Variants in KCNH8 observed in about 807,000 individuals in gnomAD.
The protein encoded by KCNH8 is potassium voltage-gated channel subfamily H member 8, also known as voltage-gated delayed rectifier potassium channel KCNH8.
Under a neutral mutation model 103.6 loss-of-function variants are expected in KCNH8, and 70 were observed. The ratio of observed to expected loss-of-function variants is 0.68; its 90% confidence interval spans 0.56 to 0.82. The LOEUF (loss-of-function observed/expected upper bound fraction) is 0.82. Ranked by LOEUF, KCNH8 falls within the 40% of genes least tolerant of loss-of-function variation. The pLI, the probability that KCNH8 is intolerant of heterozygous loss-of-function variation, is 0.00. For synonymous variants in KCNH8, 498 were observed against 489.4 expected, an observed-to-expected ratio of 1.02 and a Z score of -0.23; for missense variants, 1,217 against 1,329.9, an observed-to-expected ratio of 0.92 and a Z score of 1.32.
At chr3:19,453,004 G>GA (rs2125185581) in intron 10 of KCNH8, among the ~76,000 whole-genome samples, 1 of 152,246 alleles carries the variant, frequency 6.6e-6, no homozygotes, top group South Asian at 2.1e-4. Flanking sequence ...ATATGCAATG[G>GA]AATACTATTC....
At chr3:19,280,327 G>A (rs1483302995) in intron 2 of KCNH8, among the ~76,000 whole-genome samples, 2 of 151,976 alleles carry the variant, frequency 1.3e-5, no homozygotes, top group South Asian at 2.1e-4. Flanking sequence ...ATACATGTAA[G>A]CATTTAAGAA....
chr3:19,176,926 T>C (rs1444948560), intron 1 of KCNH8, among the ~76,000 whole-genome samples: 1 of 152,170 alleles, frequency 6.6e-6, no homozygotes, highest in Admixed American at 6.5e-5. Flanking sequence ...TTGTTTTATG[T>C]GTATTTCTAT....
intron 3 of KCNH8, among the ~76,000 whole-genome samples, chr3:19,307,314 G>A (rs186029278): frequency 1.3e-5 from 2 of 151,940 alleles, no homozygotes; most frequent in Non-Finnish European, 1.5e-5. Context: ...AAAATGCTCA[G>A]CATCACTAAT....
intron 3 of KCNH8, among the ~76,000 whole-genome samples, chr3:19,297,575 T>G (rs2125286707): frequency 6.6e-6 from 1 of 152,334 alleles, no homozygotes. Flanking sequence ...GTTCTGTCAT[T>G]GCCTTCTGTA....
chr3:19,434,049 C>T (rs775156917), intron 7 of KCNH8, among the ~76,000 whole-genome samples: 2 of 152,154 alleles, frequency 1.3e-5, no homozygotes, highest in Non-Finnish European at 2.9e-5. Context: ...GATATCACCA[C>T]TGGAGGAAAC....
chr3:19,245,166 T>A (rs141883258), intron 1 of KCNH8, among the ~76,000 whole-genome samples: 10 of 152,326 alleles, frequency 6.6e-5, no homozygotes, highest in African/African-American at 2.4e-4. Context: ...ATTTCTTTCT[T>A]CTGCATATGG....
chr3:19,379,638 C>CA (rs540674539), intron 5 of KCNH8, among the ~76,000 whole-genome samples: 1,790 of 141,784 alleles, frequency 0.013, 14 homozygotes, highest in African/African-American at 0.019. Flanking sequence ...CACTCTGTCT[C>CA]AAAAAAAAAA....
intron 7 of KCNH8, among the ~76,000 whole-genome samples, chr3:19,419,253 G>T (rs1391206872): frequency 7.2e-6 from 1 of 139,274 alleles, no homozygotes; most frequent in Non-Finnish European, 1.5e-5. Context: ...AGGCTGGAGT[G>T]CAGTGGCGCG....
At position 19,477,656 on chromosome 3, in the gene KCNH8, A is replaced by C. The variant is rs114291634; in HGVS notation, c.2040+20674A>C. On this transcript the variant is annotated intron_variant, in intron 11 of 15. Transcript: ENST00000328405. ...AGCAACAAACAAGGAATCCAGAAAGAGTTTCAGTGAGAGAATTAAGAGAGA... is the reference window on the plus strand; with the variant it reads ...AGCAACAAACAAGGAATCCAGAAAGCGTTTCAGTGAGAGAATTAAGAGAGA... Among the ~76,000 whole-genome samples, 524 of 152,290 alleles carry C rather than the reference A, an allele frequency of 3.4e-3. 1 individual carries two copies. Among genetic ancestry groups the C allele is most frequent in the Non-Finnish European group, 5.6e-3 (378 of 68,014 alleles).
In KCNH8 at chr3:19,384,962, G is replaced by A. The variant is rs1036117288; in HGVS notation, c.812-5519G>A. On this transcript the variant is annotated intron_variant, in intron 5 of 15. Transcript: ENST00000328405. ...TAGAACCCAAATCCTTCCTTTCTTC[G>A]ATGAGGCTTTTGTGAAAACCACCAA... 2.0e-4 allele frequency among the ~76,000 whole-genome samples: 31 copies of A among 152,086 alleles called. 1 individual carries two copies. Among genetic ancestry groups the A allele is most frequent in the Admixed American group, 1.5e-3 (23 of 15,252 alleles).
chr3:19,424,788 T>C (rs1226711801), intron 7 of KCNH8, among the ~76,000 whole-genome samples: 1 of 152,044 alleles, frequency 6.6e-6, no homozygotes, highest in Non-Finnish European at 1.5e-5. Context: ...GCAAAGGACA[T>C]GAATAGACCG....
chr3:19,385,510 C>T (rs2066345098), intron 5 of KCNH8, among the ~76,000 whole-genome samples: 1 of 152,038 alleles, frequency 6.6e-6, no homozygotes, highest in Non-Finnish European at 1.5e-5. Flanking sequence ...CTTCTAAATG[C>T]AGTTTTTCTT....
chr3:19,533,970 G>A lies in KCNH8; in HGVS notation c.3195G>A (p.Leu1065=). 1.9e-6 allele frequency: 3 copies of A among 1,614,060 alleles called. No homozygotes were observed. The highest frequency in any genetic ancestry group is 1.1e-5 in the South Asian group (1 of 91,076). ...AGGGAACTGTGAGTTCCTTCAGTCT[G>A]GAAAACTTACCAGGATCTTGGAACC... The part of the protein sequence containing the change: ...FSQGTVSSFS[L]ENLPGSWNQE... Residue 1065 remains leucine, a synonymous_variant, in exon 16 of 16, where the codon CTG becomes CTA. Transcript: ENST00000328405.
chr3:19,257,772 T>G (rs769621226), intron 2 of KCNH8, among the ~76,000 whole-genome samples: 1 of 152,100 alleles, frequency 6.6e-6, no homozygotes, highest in Admixed American at 6.6e-5. Context: ...GTTACCATTA[T>G]AAAGTACCAC....
chr3:19,483,140 G>T (rs1400681860), intron 11 of KCNH8, among the ~76,000 whole-genome samples: 1 of 152,086 alleles, frequency 6.6e-6, no homozygotes, highest in Non-Finnish European at 1.5e-5. Context: ...AAGAAAGATG[G>T]TTTAAGAGTG....
chr3:19,352,292 T>C (rs2065814068), intron 5 of KCNH8, among the ~76,000 whole-genome samples: 1 of 152,126 alleles, frequency 6.6e-6, no homozygotes, highest in Non-Finnish European at 1.5e-5. Context: ...TGGGAGACTT[T>C]AACACCCCAC....
intron 1 of KCNH8, among the ~76,000 whole-genome samples, chr3:19,180,483 G>C (rs1247325724): frequency 6.6e-6 from 1 of 152,156 alleles, no homozygotes; most frequent in African/African-American, 2.4e-5. Context: ...CACTTTTGGA[G>C]ATTAGGAATT....
In KCNH8 at chr3:19,293,714, G is replaced by T. The variant is rs892596541; in HGVS notation, c.442+12385G>T. Among the ~76,000 whole-genome samples the T allele has an allele frequency of 1.3e-5, 2 of 152,154 alleles. 1 individual carries two copies. The highest frequency in any genetic ancestry group is 4.1e-4 in the South Asian group (2 of 4,822). Reference sequence around the variant, plus strand: ...CTGAAACAACATTACTAAAAAGTTGGTTTTAATTGTAATTGTTTTCTGTTC... The same window carrying T: ...CTGAAACAACATTACTAAAAAGTTGTTTTTAATTGTAATTGTTTTCTGTTC... On this transcript the variant is annotated intron_variant, in intron 3 of 15. Transcript: ENST00000328405.
chr3:19,215,308 T>C (rs2063807820), intron 1 of KCNH8, among the ~76,000 whole-genome samples: 1 of 152,240 alleles, frequency 6.6e-6, no homozygotes, highest in Admixed American at 6.5e-5. Flanking sequence ...CATAACAGTT[T>C]ATTTATAATT....
Sources: gnomAD v4.1 joint callset for allele counts (sites outside exome capture counted in the v4.1 genomes callset) on GRCh38, gnomAD v4.1.1 for gene constraint, MANE v1.5 for transcripts, NCBI Gene and HGNC (gene_info 2026-07-23, HGNC 2026-07-21) for gene names.